WWP2: variants seen among roughly 807,000 people sequenced by gnomAD.
The protein encoded by WWP2 is WW domain containing E3 ubiquitin protein ligase 2, also known as NEDD4-like E3 ubiquitin-protein ligase WWP2.
A neutral mutation model predicts 121.0 loss-of-function variants in WWP2; 57 were observed. The observed-to-expected ratio is 0.47, with a 90% CI of 0.38 to 0.59. The LOEUF (loss-of-function observed/expected upper bound fraction) is 0.59, where lower values mean the gene tolerates loss of function less well. WWP2 is among the 20% of genes least tolerant of loss of function. The pLI is 0.00. For missense variants in WWP2, 962 were observed against 1,158.9 expected (o/e 0.83, Z 2.47); for synonymous variants, 449 against 441.3 (o/e 1.02, Z -0.22).
At chr16:69,903,564 C>T (rs928307822) in intron 8 of WWP2, among the ~76,000 whole-genome samples, 1 of 151,978 alleles carries the variant, frequency 6.6e-6, no homozygotes, top group Non-Finnish European at 1.5e-5. Context: ...GTCAGAAGAT[C>T]GAGACCATCC....
chr16:69,810,757 CTTT>C (rs769856069), intron 4 of WWP2, among the ~76,000 whole-genome samples: 2 of 117,216 alleles, frequency 1.7e-5, no homozygotes, highest in Admixed American at 8.7e-5. Flanking sequence ...GAGGAATTTT[CTTT>C]TTTTTTTTTT....
intron 12 of WWP2, among the ~76,000 whole-genome samples, 171 bp from the exon 13 acceptor site, chr16:69,929,936 GCCATGAGATAATAAGTGACCTCT>G (rs2058688838): frequency 6.6e-6 from 1 of 152,226 alleles, no homozygotes; most frequent in African/African-American, 2.4e-5. Flanking sequence ...TGGGTTTTTG[GCCATGAGATAATAAGTGACCTCT>G]CCGTGCTGCA....
chr16:69,867,979 A>G (rs1239336948), intron 6 of WWP2, among the ~76,000 whole-genome samples: 1 of 152,180 alleles, frequency 6.6e-6, no homozygotes, highest in African/African-American at 2.4e-5. Flanking sequence ...CCAGCTTTTC[A>G]TTACAATATG....
At chr16:69,905,694 A>G (rs1331327070) in intron 8 of WWP2, among the ~76,000 whole-genome samples, 1 of 152,210 alleles carries the variant, frequency 6.6e-6, no homozygotes. Flanking sequence ...TCCTACCTCA[A>G]TGCCAGTGCT....
At chr16:69,776,500 G>A (rs74932735) in intron 1 of WWP2, among the ~76,000 whole-genome samples, 1,777 of 152,270 alleles carry the variant, frequency 0.012, 24 homozygotes, top group African/African-American at 0.038. Flanking sequence ...CTAAGCTCTA[G>A]AGATTGTTAC....
In WWP2 at chr16:69,934,078, C is replaced by T. The variant is rs754115987; in HGVS notation, c.1791C>T (p.Ile597=). Residue 597 remains isoleucine (I), a synonymous_variant, in exon 17 of 24, where the codon ATC becomes ATT. Coordinates refer to ENST00000359154, the MANE Select transcript of WWP2 (RefSeq NM_001270454.2). ...YCLQINPASS[I]NPDHLTYFRF... ...TGCAGATCAACCCCGCCTCCTCCAT[C>T]AACCCGGACCACCTCACCTACTTTC... 6.2e-7 allele frequency: 1 copy of T among 1,614,220 alleles called. No homozygotes were observed. The highest frequency in any genetic ancestry group is 8.5e-7 in the Non-Finnish European group (1 of 1,180,030).
rs576985885 is a variant in WWP2, at chr16:69,806,933, GT to G, written c.340+7642del. On this transcript the variant is annotated intron_variant, in intron 4 of 23. Transcript: ENST00000359154. ...CTTTTCTACTATTTGCCCTAGATCTGTTTTATTTATTTATTTATTTATTCAT... is the reference window on the plus strand; with the variant it reads ...CTTTTCTACTATTTGCCCTAGATCTGTTTATTTATTTATTTATTTATTCAT... 1.4e-5 allele frequency among the ~76,000 whole-genome samples: 2 copies of G among 139,352 alleles called. 1 individual carries two copies. The highest frequency in any genetic ancestry group is 3.0e-5 in the Non-Finnish European group (2 of 66,020). 91.4% of individuals were successfully genotyped at this position (139,352 alleles called of 152,430 possible).
intron 22 of WWP2, 31 bp downstream of exon 22, chr16:69,939,154 G>C: frequency 2.5e-6 from 4 of 1,579,622 alleles, no homozygotes; most frequent in Non-Finnish European, 3.4e-6. Flanking sequence ...TGGCGTCCTG[G>C]CTGGCAGTGC....
intron 6 of WWP2, among the ~76,000 whole-genome samples, chr16:69,848,462 AC>A (rs2057128841): frequency 6.6e-6 from 1 of 151,178 alleles, no homozygotes; most frequent in Non-Finnish European, 1.5e-5. Context: ...AAAAAAAAAA[AC>A]AAACAAACAA....
intron 10 of WWP2, among the ~76,000 whole-genome samples, chr16:69,921,212 C>T (rs979168168): frequency 1.3e-5 from 2 of 152,138 alleles, no homozygotes; most frequent in Non-Finnish European, 2.9e-5. Context: ...ATTTTCCTCC[C>T]CCTCTGGCAT....
At chr16:69,784,838 G>C (rs2055747829) in intron 1 of WWP2, among the ~76,000 whole-genome samples, 1 of 151,988 alleles carries the variant, frequency 6.6e-6, no homozygotes, top group Non-Finnish European at 1.5e-5. Context: ...TGGGTATTTG[G>C]CAAGCCTTTT....
intron 11 of WWP2, among the ~76,000 whole-genome samples, chr16:69,927,255 G>A (rs910133469): frequency 1.3e-5 from 2 of 152,086 alleles, no homozygotes; most frequent in African/African-American, 4.8e-5. Context: ...AGGGCTCACC[G>A]AGAATGAACA....
chr16:69,835,875 TC>T (rs2056868265), intron 4 of WWP2, among the ~76,000 whole-genome samples: 3 of 151,538 alleles, frequency 2.0e-5, no homozygotes, highest in African/African-American at 2.4e-5. Context: ...CGATCCTGGC[TC>T]CCTGCAATCT....
chr16:69,851,761 G>A (rs892732133), intron 6 of WWP2, among the ~76,000 whole-genome samples: 1 of 151,948 alleles, frequency 6.6e-6, no homozygotes, highest in African/African-American at 2.4e-5. Flanking sequence ...CAGGCATATC[G>A]CAAGGTCAAG....
intron 2 of WWP2, among the ~76,000 whole-genome samples, chr16:69,789,178 C>G (rs11641521): frequency 0.27 from 40,408 of 151,920 alleles, 5,926 homozygotes; most frequent in East Asian, 0.41. Flanking sequence ...CTGTCTCAGC[C>G]TTCCAAGTAG....
At chr16:69,838,313 G>A (rs547194739) in intron 4 of WWP2, among the ~76,000 whole-genome samples, 5 of 152,188 alleles carry the variant, frequency 3.3e-5, no homozygotes, top group African/African-American at 1.2e-4. Flanking sequence ...ACAGCTCTCA[G>A]GGACTAGAAC....
At chr16:69,789,048 G>A (rs1198933248) in intron 2 of WWP2, among the ~76,000 whole-genome samples, 1 of 152,054 alleles carries the variant, frequency 6.6e-6, no homozygotes, top group Non-Finnish European at 1.5e-5. Context: ...AAAAATCTTA[G>A]TTTTTAATTT....
At chr16:69,871,739 T>G in intron 6 of WWP2, 65 bp from the exon 7 acceptor site, 1 of 1,592,670 alleles carries the variant, frequency 6.3e-7, no homozygotes, top group South Asian at 1.1e-5. Flanking sequence ...ATGACTTAGG[T>G]AGGAAACACT....
chr16:69,929,846 C>A (rs1013700291), intron 12 of WWP2, among the ~76,000 whole-genome samples: 1 of 152,210 alleles, frequency 6.6e-6, no homozygotes. Flanking sequence ...CTCCCAACAC[C>A]CCCAAGTGAA....
Sources: allele counts gnomAD v4.1 joint callset (sites outside exome capture counted in the v4.1 genomes callset), GRCh38; gene constraint gnomAD v4.1.1; transcripts MANE v1.5; gene names NCBI Gene and HGNC (gene_info 2026-07-23, HGNC 2026-07-21).